Variants in BNC2 observed in about 807,000 individuals in gnomAD.
BNC2 encodes the protein basonuclin zinc finger protein 2.
A neutral mutation model predicts 76.3 loss-of-function variants in BNC2; 20 were observed. The ratio of observed to expected loss-of-function variants is 0.26; its 90% CI spans 0.18 to 0.38. BNC2 has a LOEUF of 0.38. Ranked by LOEUF, BNC2 falls within the 10% of genes least tolerant of loss-of-function variation. The probability of loss-of-function intolerance (pLI) is 1.00; values close to 1 mark genes in which losing one functional copy is unlikely to be tolerated. For synonymous variants in BNC2, 582 were observed against 514.8 expected, an observed-to-expected ratio of 1.13 and a Z score of -1.77; for missense variants, 1,382 against 1,399.8, an observed-to-expected ratio of 0.99 and a Z score of 0.20.
intron 1 of BNC2, among the ~76,000 whole-genome samples, chr9:16,848,834 C>T (rs1323019765): frequency 6.6e-6 from 1 of 152,190 alleles, no homozygotes; most frequent in African/African-American, 2.4e-5. Context: ...GAAAATTCCA[C>T]ACCTGACACC....
chr9:16,857,708 TAATG>T (rs1353044832), intron 1 of BNC2, among the ~76,000 whole-genome samples: 1 of 152,158 alleles, frequency 6.6e-6, no homozygotes, highest in African/African-American at 2.4e-5. Flanking sequence ...GCTGACTAAA[TAATG>T]AAACTTTTGT....
intron 3 of BNC2, among the ~76,000 whole-genome samples, chr9:16,606,245 A>G (rs908360640): frequency 6.6e-6 from 1 of 152,210 alleles, no homozygotes; most frequent in Non-Finnish European, 1.5e-5. Flanking sequence ...AATAGAAAAA[A>G]TATTTTTTAA....
intron 4 of BNC2, among the ~76,000 whole-genome samples, chr9:16,577,694 A>C (rs1402858980): frequency 6.6e-6 from 1 of 152,212 alleles, no homozygotes; most frequent in African/African-American, 2.4e-5. Context: ...CTTTTCCTCG[A>C]ATGAAATGCA....
chr9:16,527,324 G>A (rs1401606604), intron 5 of BNC2, among the ~76,000 whole-genome samples: 1 of 152,210 alleles, frequency 6.6e-6, no homozygotes, highest in African/African-American at 2.4e-5. Flanking sequence ...TAGCATCAAA[G>A]AGACAGGAAA....
intron 5 of BNC2, among the ~76,000 whole-genome samples, chr9:16,479,243 C>G (rs1250650641): frequency 1.5e-5 from 2 of 132,588 alleles, no homozygotes; most frequent in Admixed American, 1.6e-4. Context: ...GAACGAGACT[C>G]TGTCTCAAAA....
At chr9:16,570,762 G>A (rs995277830) in intron 4 of BNC2, among the ~76,000 whole-genome samples, 9 of 152,272 alleles carry the variant, frequency 5.9e-5, no homozygotes, top group African/African-American at 1.2e-4. Context: ...TGTTTGACAT[G>A]TATGAGTTAT....
chr9:16,626,442 G>A (rs1820994719), intron 3 of BNC2: 1 of 152,164 alleles, frequency 6.6e-6, no homozygotes, highest in Non-Finnish European at 1.5e-5. Context: ...CCCACCCAGT[G>A]CAGGCAGACA....
chr9:16,843,791 T>C (rs1381379343), intron 1 of BNC2, among the ~76,000 whole-genome samples: 2 of 152,218 alleles, frequency 1.3e-5, no homozygotes, highest in Non-Finnish European at 2.9e-5. Flanking sequence ...ATCAAACAGT[T>C]ACTCCCAATT....
chr9:16,698,908 T>C (rs1401547956), intron 3 of BNC2, among the ~76,000 whole-genome samples: 1 of 152,232 alleles, frequency 6.6e-6, no homozygotes. Context: ...GTTTTCTCTC[T>C]TTGAGGTTTT....
chr9:16,813,158 A>C (rs573153632), intron 1 of BNC2, among the ~76,000 whole-genome samples: 1 of 152,110 alleles, frequency 6.6e-6, no homozygotes, highest in Non-Finnish European at 1.5e-5. Context: ...AGATGGCGCC[A>C]CTGCACTCCA....
At position 16,604,423 on chromosome 9, in the gene BNC2, A is replaced by G. The variant is rs570712908; in HGVS notation, c.331-21338T>C. On this transcript the variant is annotated intron_variant, in intron 3 of 6. Transcript: ENST00000380672. ...AAACTTTAAATATAAATCCTTTTCA[A>G]TTAGAAAGATCTTGAGAGACAGATG... 5.3e-5 allele frequency among the ~76,000 whole-genome samples: 8 copies of G among 152,352 alleles called. No individual in the cohort carries two copies. The South Asian group carries it at 1.0e-3, about 20-fold the overall frequency.
chr9:16,498,203 C>CATATATATATTCAATCATATATATATTCT (rs1563811277), intron 5 of BNC2, among the ~76,000 whole-genome samples: 1 of 127,010 alleles, frequency 7.9e-6, no homozygotes, highest in African/African-American at 3.1e-5. Flanking sequence ...ATATATATTC[C>CATATATATATTCAATCATATATATATTCT]ATCATATATA....
At chr9:16,630,756 T>TTTTTTTTTTTTTTA (rs397772536) in intron 3 of BNC2, among the ~76,000 whole-genome samples, 1 of 151,148 alleles carries the variant, frequency 6.6e-6, no homozygotes, top group African/African-American at 2.4e-5. Flanking sequence ...TTTCTTTTTT[T>TTTTTTTTTTTTTTA]GAAACAGAGT....
intron 1 of BNC2, among the ~76,000 whole-genome samples, chr9:16,769,803 A>C (rs1369354037): frequency 1.3e-5 from 2 of 152,186 alleles, no homozygotes; most frequent in Non-Finnish European, 2.9e-5. Flanking sequence ...ACCACTTACA[A>C]GATTCATGTG....
chr9:16,613,234 T>A (rs1341269168), intron 3 of BNC2, among the ~76,000 whole-genome samples: 1 of 152,186 alleles, frequency 6.6e-6, no homozygotes, highest in African/African-American at 2.4e-5. Flanking sequence ...TGTGCCAGTT[T>A]GAATAAGCAA....
chr9:16,532,534 G>C (rs1410481528), intron 5 of BNC2, among the ~76,000 whole-genome samples: 1 of 152,120 alleles, frequency 6.6e-6, no homozygotes, highest in African/African-American at 2.4e-5. Context: ...GCTAGGGCTG[G>C]CTCATGCCAG....
chr9:16,795,970 G>C (rs1289425132), intron 1 of BNC2, among the ~76,000 whole-genome samples: 1 of 152,124 alleles, frequency 6.6e-6, no homozygotes, highest in African/African-American at 2.4e-5. Flanking sequence ...CCTTGCAAAG[G>C]AGAGAGCATC....
chr9:16,798,337 C>T (rs1243068021), intron 1 of BNC2, among the ~76,000 whole-genome samples: 3 of 152,116 alleles, frequency 2.0e-5, no homozygotes, highest in African/African-American at 7.2e-5. Context: ...CAAATCACCA[C>T]CATTCTAATT....
chr9:16,502,850 C>G (rs1214514018), intron 5 of BNC2, among the ~76,000 whole-genome samples: 1 of 152,080 alleles, frequency 6.6e-6, no homozygotes, highest in African/African-American at 2.4e-5. Context: ...TGGGGTTAAT[C>G]CCACAGAGGG....
Sources: gnomAD v4.1 joint callset for allele counts (sites outside exome capture counted in the v4.1 genomes callset) on GRCh38, gnomAD v4.1.1 for gene constraint, MANE v1.5 for transcripts, NCBI Gene and HGNC (gene_info 2026-07-23, HGNC 2026-07-21) for gene names.